Variants in RALGAPA2 observed in about 807,000 individuals in gnomAD.
RALGAPA2 encodes the protein ral GTPase-activating protein subunit alpha-2.
Under a neutral mutation model 230.4 loss-of-function variants are expected in RALGAPA2, and 139 were observed. That is an observed-to-expected ratio of 0.60 (90% CI 0.53 to 0.69). The LOEUF is 0.69. Among genes scored for constraint, RALGAPA2 ranks in the 30% least tolerant of loss-of-function variants. The probability of loss-of-function intolerance (pLI) is 0.00; values close to 1 mark genes in which losing one functional copy is unlikely to be tolerated. For synonymous variants in RALGAPA2, 847 were observed against 837.8 expected (o/e 1.01, Z -0.19); for missense variants, 2,163 against 2,276.0 (o/e 0.95, Z 1.01).
intron 37 of RALGAPA2, among the ~76,000 whole-genome samples, chr20:20,449,111 A>G (rs1056508846): frequency 2.0e-5 from 3 of 152,236 alleles, no homozygotes; most frequent in African/African-American, 7.2e-5. Flanking sequence ...CGCTTGAATG[A>G]CGCTAAATTG....
At chr20:20,435,006 T>G (rs2060578720) in intron 37 of RALGAPA2, among the ~76,000 whole-genome samples, 2 of 152,254 alleles carry the variant, frequency 1.3e-5, no homozygotes, top group Admixed American at 1.3e-4. Context: ...GTTATTCTCC[T>G]GTGTCCTACC....
At chr20:20,512,242 C>CACACACACACACACACACAT (rs2062732389) in intron 32 of RALGAPA2, among the ~76,000 whole-genome samples, 1 of 116,466 alleles carries the variant, frequency 8.6e-6, no homozygotes, top group African/African-American at 3.3e-5. Flanking sequence ...CACACACATA[C>CACACACACACACACACACAT]ACACACACAC....
At chr20:20,568,448 T>C (rs1270021250) in intron 23 of RALGAPA2, among the ~76,000 whole-genome samples, 1 of 152,228 alleles carries the variant, frequency 6.6e-6, no homozygotes, top group Non-Finnish European at 1.5e-5. Flanking sequence ...ATTATTATTT[T>C]TTAAGATACA....
At chr20:20,419,010 G>A (rs2060222878) in intron 37 of RALGAPA2, among the ~76,000 whole-genome samples, 1 of 152,176 alleles carries the variant, frequency 6.6e-6, no homozygotes. Context: ...AGAGTGCTGG[G>A]ATTACAGGCC....
chr20:20,412,739 AT>A (rs1281571043), intron 37 of RALGAPA2, among the ~76,000 whole-genome samples: 1 of 152,126 alleles, frequency 6.6e-6, no homozygotes, highest in Non-Finnish European at 1.5e-5. Flanking sequence ...GCACAGTGCA[AT>A]TTAAAAAAAA....
chr20:20,501,593 A>C (rs1357390971), intron 35 of RALGAPA2, among the ~76,000 whole-genome samples: 1 of 152,238 alleles, frequency 6.6e-6, no homozygotes, highest in Non-Finnish European at 1.5e-5. Context: ...TCTCCATATC[A>C]GCAATAAGGC....
intron 37 of RALGAPA2, among the ~76,000 whole-genome samples, chr20:20,432,733 A>G (rs926916714): frequency 1.3e-5 from 2 of 149,806 alleles, no homozygotes; most frequent in East Asian, 1.9e-4. Context: ...AATGATTTTG[A>G]AAAAAAAAAT....
At chr20:20,597,012 T>C (rs1238583299) in intron 16 of RALGAPA2, among the ~76,000 whole-genome samples, 1 of 152,190 alleles carries the variant, frequency 6.6e-6, no homozygotes, top group Non-Finnish European at 1.5e-5. Flanking sequence ...TATACGTATA[T>C]ACAGGAACCA....
intron 39 of RALGAPA2, among the ~76,000 whole-genome samples, chr20:20,395,182 G>T (rs2059685664): frequency 6.6e-6 from 1 of 152,184 alleles, no homozygotes; most frequent in Non-Finnish European, 1.5e-5. Flanking sequence ...AGGGGCAAAG[G>T]GCAAAGCCAC....
intron 1 of RALGAPA2, among the ~76,000 whole-genome samples, chr20:20,700,594 A>G (rs1354012420): frequency 6.6e-6 from 1 of 152,208 alleles, no homozygotes; most frequent in Non-Finnish European, 1.5e-5. Context: ...TGTTCTCATG[A>G]AAGACTATCT....
chr20:20,515,569 C>A (rs936272671), intron 31 of RALGAPA2, among the ~76,000 whole-genome samples: 20 of 152,342 alleles, frequency 1.3e-4, no homozygotes, highest in African/African-American at 4.3e-4. Flanking sequence ...AAATCCAGGT[C>A]ATGGGAGAAG....
chr20:20,507,532 T>C (rs1398289526), intron 33 of RALGAPA2, among the ~76,000 whole-genome samples: 4 of 152,162 alleles, frequency 2.6e-5, no homozygotes, highest in Non-Finnish European at 5.9e-5. Context: ...TTTTTTATTA[T>C]TTTTAGTAGA....
intron 31 of RALGAPA2, among the ~76,000 whole-genome samples, chr20:20,514,563 T>C (rs181289991): frequency 6.6e-6 from 1 of 152,068 alleles, no homozygotes; most frequent in East Asian, 1.9e-4. Context: ...ACCCTTCCTG[T>C]AGAGATTATG....
intron 10 of RALGAPA2, among the ~76,000 whole-genome samples, chr20:20,623,717 C>T (rs986511453): frequency 6.6e-6 from 1 of 152,030 alleles, no homozygotes; most frequent in African/African-American, 2.4e-5. Context: ...TCCTTAGCTG[C>T]ATCTAATCTA....
At chr20:20,669,190 G>A (rs1336670630) in intron 3 of RALGAPA2, among the ~76,000 whole-genome samples, 4 of 152,192 alleles carry the variant, frequency 2.6e-5, no homozygotes, top group Admixed American at 1.3e-4. Flanking sequence ...GTGGGAGGGT[G>A]AGGAAATATC....
intron 37 of RALGAPA2, among the ~76,000 whole-genome samples, chr20:20,458,856 C>CTATATA (rs200853897): frequency 4.5e-5 from 4 of 88,204 alleles, no homozygotes; most frequent in African/African-American, 2.0e-4. Flanking sequence ...ATATATAGAC[C>CTATATA]TATATATATA....
At chr20:20,689,800 G>T (rs997787537) in intron 1 of RALGAPA2, among the ~76,000 whole-genome samples, 3 of 152,164 alleles carry the variant, frequency 2.0e-5, no homozygotes, top group African/African-American at 4.8e-5. Context: ...AACACTCTCA[G>T]TTAGGGAGCT....
intron 1 of RALGAPA2, among the ~76,000 whole-genome samples, chr20:20,699,417 T>C (rs965406623): frequency 6.6e-6 from 1 of 152,190 alleles, no homozygotes; most frequent in Non-Finnish European, 1.5e-5. Flanking sequence ...ACTGGCCAAA[T>C]GCATCCTCAT....
intron 24 of RALGAPA2, among the ~76,000 whole-genome samples, chr20:20,544,038 A>G (rs2063717387): frequency 6.6e-6 from 1 of 152,188 alleles, no homozygotes; most frequent in African/African-American, 2.4e-5. Flanking sequence ...AAACATATGA[A>G]AAAAAGCTCA....
Sources: allele counts gnomAD v4.1 joint callset (sites outside exome capture counted in the v4.1 genomes callset), GRCh38; gene constraint gnomAD v4.1.1; transcripts MANE v1.5; gene names NCBI Gene and HGNC (gene_info 2026-07-23, HGNC 2026-07-21).